Variants in GRID2 observed in about 807,000 individuals in gnomAD.
GRID2 encodes the protein glutamate ionotropic receptor delta type subunit 2, also known as glutamate receptor ionotropic, delta-2.
A neutral mutation model predicts 114.8 loss-of-function variants in GRID2; 33 were observed. The ratio of observed to expected loss-of-function variants is 0.29; its 90% CI spans 0.22 to 0.38. The LOEUF (loss-of-function observed/expected upper bound fraction) is 0.38. Among genes scored for constraint, GRID2 ranks in the 10% least tolerant of loss-of-function variants. GRID2 has a pLI of 1.00. For missense variants in GRID2, 1,184 were observed against 1,257.7 expected (o/e 0.94, Z 0.89); for synonymous variants, 505 against 449.9 (o/e 1.12, Z -1.55).
intron 2 of GRID2, among the ~76,000 whole-genome samples, chr4:92,914,590 G>A (rs548085439): frequency 3.3e-5 from 5 of 151,954 alleles, no homozygotes; most frequent in South Asian, 2.1e-4. Context: ...ATTCTGATAG[G>A]CCCTAGTGTA....
intron 8 of GRID2, among the ~76,000 whole-genome samples, chr4:93,316,329 A>AAAG (rs1232110850): frequency 2.4e-4 from 13 of 53,336 alleles, no homozygotes; most frequent in Non-Finnish European, 4.8e-4. Context: ...AGAAAGAAAG[A>AAAG]AAGAAAGAAA....
intron 1 of GRID2, among the ~76,000 whole-genome samples, chr4:93,790,550 ATT>A (rs5860348): frequency 6.8e-6 from 1 of 147,984 alleles, no homozygotes; most frequent in Non-Finnish European, 1.5e-5. Flanking sequence ...TTTAACTATA[ATT>A]TTTTTTTTTT....
chr4:93,788,720 G>A (rs1461173713), intron 1 of GRID2, among the ~76,000 whole-genome samples: 1 of 152,166 alleles, frequency 6.6e-6, no homozygotes, highest in Non-Finnish European at 1.5e-5. Flanking sequence ...CTCCTATGCG[G>A]TAGAATAACT....
At chr4:92,876,716 T>G (rs2149452225) in intron 2 of GRID2, among the ~76,000 whole-genome samples, 2 of 152,336 alleles carry the variant, frequency 1.3e-5, no homozygotes, top group South Asian at 2.1e-4. Context: ...CCAGAGATTC[T>G]GATTCATTAG....
intron 2 of GRID2, among the ~76,000 whole-genome samples, chr4:92,834,523 C>T (rs1742323505): frequency 6.6e-6 from 1 of 152,026 alleles, no homozygotes. Context: ...TTTAATCAGG[C>T]AGTATGCAAA....
chr4:92,643,167 T>C (rs1246307161), intron 2 of GRID2, among the ~76,000 whole-genome samples: 1 of 151,842 alleles, frequency 6.6e-6, no homozygotes, highest in Non-Finnish European at 1.5e-5. Context: ...AGGTATAACA[T>C]TGAATATGTA....
chr4:93,351,046 A>T (rs963612563), intron 8 of GRID2, among the ~76,000 whole-genome samples: 14 of 151,848 alleles, frequency 9.2e-5, no homozygotes, highest in Non-Finnish European at 1.5e-4. Flanking sequence ...TATGAGACTT[A>T]TTCACTACCA....
rs552562465 is a variant in GRID2 at position 92,983,093 on chromosome 4, G to C, written c.245-101902G>C. ...ATGTGAAAACTAATGGTGGTTTTAG[G>C]AATATTCCTATCTGGGAGTGGATGG... On this transcript the variant is annotated intron_variant, in intron 2 of 15. Coordinates refer to ENST00000282020, the MANE Select transcript of GRID2 (RefSeq NM_001510.4). 3.0e-3 allele frequency among the ~76,000 whole-genome samples: 450 copies of C among 152,196 alleles called. 1 individual carries two copies. Among genetic ancestry groups the C allele is most frequent in the African/African-American group, 0.011 (439 of 41,532 alleles).
intron 8 of GRID2, among the ~76,000 whole-genome samples, chr4:93,302,326 T>C (rs1754963085): frequency 6.6e-6 from 1 of 152,160 alleles, no homozygotes; most frequent in South Asian, 2.1e-4. Context: ...GAAATAAATA[T>C]AGGTAATCAG....
rs753904458 is a variant in GRID2 at position 93,769,402 on chromosome 4, G to A, written c.2553G>A (p.Leu851=). The A allele has an allele frequency of 6.2e-7, 1 of 1,613,792 alleles. No homozygotes were observed. Among genetic ancestry groups the A allele is most frequent in the Non-Finnish European group, 8.5e-7 (1 of 1,179,864 alleles). Residue 851 remains leucine, a synonymous_variant, in exon 15 of 16, where the codon CTG becomes CTA. Transcript: ENST00000282020. ...GIVLSCFIAM[L]ETWWNKRKGS... ...TCCTCTCCTGCTTCATAGCCATGCT[G>A]GAGACGTGGTGGAACAAGAGGAAAG...
intron 4 of GRID2, among the ~76,000 whole-genome samples, chr4:93,149,321 C>A (rs1416597576): frequency 6.6e-6 from 1 of 152,034 alleles, no homozygotes; most frequent in African/African-American, 2.4e-5. Context: ...CGCCTATAAT[C>A]CCAGCACTTT....
At chr4:93,407,198 C>A (rs1766542359) in intron 9 of GRID2, among the ~76,000 whole-genome samples, 1 of 152,114 alleles carries the variant, frequency 6.6e-6, no homozygotes, top group Non-Finnish European at 1.5e-5. Context: ...CTATCCACTG[C>A]ATTACATGGT....
intron 2 of GRID2, among the ~76,000 whole-genome samples, chr4:92,787,517 AG>A: frequency 6.6e-6 from 1 of 151,910 alleles, no homozygotes; most frequent in Non-Finnish European, 1.5e-5. Flanking sequence ...AAAAGCCCTA[AG>A]GCAGGAGCAT....
At chr4:92,350,778 C>A (rs1023299817) in intron 1 of GRID2, among the ~76,000 whole-genome samples, 1 of 151,796 alleles carries the variant, frequency 6.6e-6, no homozygotes, top group African/African-American at 2.4e-5. Flanking sequence ...CAATTTTAGA[C>A]TATGTATTCA....
chr4:92,944,398 G>C (rs751544723), intron 2 of GRID2, among the ~76,000 whole-genome samples: 3 of 152,238 alleles, frequency 2.0e-5, no homozygotes, highest in African/African-American at 7.2e-5. Context: ...ATCTCCTGGT[G>C]TCCTGTTTGC....
intron 13 of GRID2, among the ~76,000 whole-genome samples, chr4:93,624,168 C>A (rs1459753748): frequency 2.0e-5 from 3 of 150,560 alleles, no homozygotes; most frequent in African/African-American, 2.4e-5. Context: ...AAAAGCAAAT[C>A]ATTTGTATAT....
At chr4:93,377,923 A>T (rs1320922817) in intron 8 of GRID2, among the ~76,000 whole-genome samples, 1 of 152,208 alleles carries the variant, frequency 6.6e-6, no homozygotes, top group Admixed American at 6.6e-5. Flanking sequence ...AAATGATTCT[A>T]CATGTATATC....
At chr4:93,573,418 G>T (rs1016618802) in intron 13 of GRID2, among the ~76,000 whole-genome samples, 3 of 152,130 alleles carry the variant, frequency 2.0e-5, no homozygotes, top group Non-Finnish European at 4.4e-5. Flanking sequence ...GACTGAAATT[G>T]GTCTAATGCA....
chr4:93,129,371 G>T (rs535044501), intron 4 of GRID2, among the ~76,000 whole-genome samples: 1 of 152,086 alleles, frequency 6.6e-6, no homozygotes, highest in South Asian at 2.1e-4. Context: ...TTGTTTGTTT[G>T]TTTTTGTTGT....
Sources: allele counts gnomAD v4.1 joint callset (sites outside exome capture counted in the v4.1 genomes callset), GRCh38; gene constraint gnomAD v4.1.1; transcripts MANE v1.5; gene names NCBI Gene and HGNC (gene_info 2026-07-23, HGNC 2026-07-21).